The following ERGIC2 variants were observed in gnomAD, a reference collection of about 807,000 sequenced individuals.
ERGIC2 encodes endoplasmic reticulum-Golgi intermediate compartment protein 2.
In ERGIC2, 31 loss-of-function variants were observed where a neutral mutation model predicts 52.5. The ratio of observed to expected loss-of-function variants is 0.59; its 90% CI spans 0.44 to 0.80. The LOEUF (loss-of-function observed/expected upper bound fraction) is 0.80. ERGIC2 is among the 30% of genes least tolerant of loss of function. The probability of loss-of-function intolerance (pLI) is 0.00; values close to 1 mark genes in which losing one functional copy is unlikely to be tolerated. For synonymous variants in ERGIC2, 129 were observed against 140.6 expected (o/e 0.92, Z 0.58); for missense variants, 395 against 455.2 (o/e 0.87, Z 1.20).
intron 11 of ERGIC2, among the ~76,000 whole-genome samples, chr12:29,344,174 G>T (rs574404934): frequency 6.6e-6 from 1 of 151,758 alleles, no homozygotes; most frequent in African/African-American, 2.4e-5. Context: ...TACCATCTGG[G>T]TTGTTTCTAA....
In ERGIC2 at chr12:29,368,429, C is replaced by T. The variant is rs150850913; in HGVS notation, c.216-142G>A. 47 of 556,526 alleles carry T rather than the reference C, an allele frequency of 8.4e-5. No homozygotes were observed. The Admixed American group carries it at 1.0e-3, about 12-fold the overall frequency. The allele number at this position is 556,526 out of a possible 1,614,324, so 34.5% of individuals were successfully genotyped here. A position where few individuals can be genotyped will look rare whatever the true frequency, so the allele number is the denominator to read the frequency against. On this transcript the variant is annotated intron_variant, in intron 3 of 13. Transcript: ENST00000360150. ...AGAACTTGAATTGCATTTCTCATGG[C>T]CAAAACAAAGGCTCTTTAAATTACA...
intron 6 of ERGIC2, among the ~76,000 whole-genome samples, chr12:29,360,352 A>G (rs1940265974): frequency 6.6e-6 from 1 of 151,568 alleles, no homozygotes; most frequent in African/African-American, 2.4e-5. Context: ...AATTAAATAA[A>G]CTACAATCTA....
intron 11 of ERGIC2, among the ~76,000 whole-genome samples, chr12:29,343,925 C>A (rs778006003): frequency 3.9e-5 from 6 of 152,114 alleles, no homozygotes; most frequent in Non-Finnish European, 7.4e-5. Flanking sequence ...CTCCCACCCC[C>A]TATCCTGCAT....
At chr12:29,343,035 G>T in intron 12 of ERGIC2, 85 bp downstream of exon 12, 1 of 1,149,712 alleles carries the variant, frequency 8.7e-7, no homozygotes. Flanking sequence ...ATGAAAATCT[G>T]TATACTTCTT....
At chr12:29,373,545 G>A (rs1489323380) in intron 1 of ERGIC2, among the ~76,000 whole-genome samples, 2 of 152,026 alleles carry the variant, frequency 1.3e-5, no homozygotes, top group African/African-American at 4.8e-5. Context: ...GCCAGAGAAT[G>A]AAAAACTGGC....
At chr12:29,375,558 A>G (rs1940503526) in intron 1 of ERGIC2, among the ~76,000 whole-genome samples, 1 of 152,202 alleles carries the variant, frequency 6.6e-6, no homozygotes, top group South Asian at 2.1e-4. Context: ...TGTTAAACAA[A>G]TGAATAAAAC....
intron 12 of ERGIC2, 151 bp downstream of exon 12, chr12:29,342,969 G>T: frequency 1.8e-6 from 1 of 544,740 alleles, no homozygotes; most frequent in Non-Finnish European, 3.2e-6. Flanking sequence ...TTACTGGTTA[G>T]TCAATATAAT....
At chr12:29,377,426 A>C (rs2136885106) in intron 1 of ERGIC2, among the ~76,000 whole-genome samples, 1 of 152,290 alleles carries the variant, frequency 6.6e-6, no homozygotes, top group East Asian at 1.9e-4. Context: ...ACCTATGCAC[A>C]TCCTCTTGTA....
chr12:29,351,900 C>T (rs534660417), intron 8 of ERGIC2, among the ~76,000 whole-genome samples: 92 of 152,200 alleles, frequency 6.0e-4, no homozygotes, highest in African/African-American at 2.0e-3. Context: ...GTGATGAATG[C>T]TCAATCTGGC....
rs1352673899 is a variant in ERGIC2 at position 29,346,757 on chromosome 12, A to G, written c.728-1217T>C. 3.9e-5 allele frequency among the ~76,000 whole-genome samples: 6 copies of G among 152,344 alleles called. No homozygotes were observed. In the East Asian group the frequency reaches 1.2e-3, roughly 29 times the overall value. ...CATCTCTAAGTTTGACACAAGTTTT[A>G]AATACCAGAATATTACCAATTACTA... On this transcript the variant is annotated intron_variant, in intron 10 of 13. Coordinates refer to ENST00000360150, the MANE Select transcript of ERGIC2 (RefSeq NM_016570.3).
chr12:29,370,357 TAGA>T (rs1393930141), intron 2 of ERGIC2, 135 bp from the exon 3 acceptor site: 8 of 983,402 alleles, frequency 8.1e-6, no homozygotes, highest in Non-Finnish European at 1.1e-5. Context: ...ATGCATACTA[TAGA>T]AGGTTTTTAT....
intron 7 of ERGIC2, 113 bp from the exon 8 acceptor site, chr12:29,356,590 C>A: frequency 5.5e-6 from 3 of 546,598 alleles, no homozygotes; most frequent in Middle Eastern, 4.6e-4. Flanking sequence ...AGGTAATATT[C>A]TAAATGTTAA....
intron 1 of ERGIC2, among the ~76,000 whole-genome samples, chr12:29,371,875 C>CA (rs1410468873): frequency 1.3e-5 from 2 of 151,904 alleles, no homozygotes; most frequent in African/African-American, 4.8e-5. Flanking sequence ...AATTTAAATA[C>CA]AAAAACACAT....
At chr12:29,368,201 T>A (rs1209115835) in intron 4 of ERGIC2, 40 bp downstream of exon 4, 1 of 1,308,580 alleles carries the variant, frequency 7.6e-7, no homozygotes, top group East Asian at 2.3e-5. Context: ...GTTTGAACCA[T>A]AACCTACATG....
In ERGIC2 at chr12:29,340,715, G is replaced by A. The variant is rs771399732; in HGVS notation, c.*441C>T. Reference sequence around the variant, plus strand: ...TCTTTAAAGTCTAGACTAGTTTTCCGTATGTTTTCCACATTTTATTCTGAC... The same window carrying A: ...TCTTTAAAGTCTAGACTAGTTTTCCATATGTTTTCCACATTTTATTCTGAC... On this transcript the variant is annotated 3_prime_UTR_variant, in exon 14 of 14. Coordinates refer to ENST00000360150, the MANE Select transcript of ERGIC2 (RefSeq NM_016570.3). 4.6e-5 allele frequency: 16 copies of A among 351,412 alleles called. No individual in the cohort carries two copies. Among genetic ancestry groups the A allele is most frequent in the Non-Finnish European group, 6.4e-5 (12 of 186,594 alleles). The allele number at this position is 351,412 out of a possible 1,614,324, so 21.8% of individuals were successfully genotyped here. A position where few individuals can be genotyped will look rare whatever the true frequency, so the allele number is the denominator to read the frequency against.
chr12:29,363,069 C>T (rs1471146066), intron 5 of ERGIC2, among the ~76,000 whole-genome samples: 1 of 152,166 alleles, frequency 6.6e-6, no homozygotes, highest in Non-Finnish European at 1.5e-5. Context: ...TTCCTAACCA[C>T]CTCGTGAATT....
At chr12:29,347,600 G>A (rs1488871809) in intron 10 of ERGIC2, among the ~76,000 whole-genome samples, 1 of 152,070 alleles carries the variant, frequency 6.6e-6, no homozygotes, top group Non-Finnish European at 1.5e-5. Context: ...GAAGGGCAGG[G>A]ACTATGTCTA....
At chr12:29,360,981 T>C (rs2048584418) in intron 6 of ERGIC2, among the ~76,000 whole-genome samples, 1 of 152,182 alleles carries the variant, frequency 6.6e-6, no homozygotes, top group African/African-American at 2.4e-5. Context: ...GCACAGTGGC[T>C]CATGCCTGTA....
In ERGIC2 at chr12:29,368,234, T is replaced by TAC. The variant is rs1215693922; in HGVS notation, c.262+5_262+6dup. 6.4e-7 allele frequency: 1 copy of TAC among 1,557,926 alleles called. No individual in the cohort carries two copies. Among genetic ancestry groups the TAC allele is most frequent in the African/African-American group, 1.4e-5 (1 of 73,730 alleles). The stretch of plus-strand genomic sequence containing the variant: ...ATGTGGATTCAGCAAGTTGAAGGTG[T>TAC]ACTTACATTGACACTTCATGGCAAC... On this transcript the variant is annotated splice_region_variant and intron_variant, in intron 4 of 13. Coordinates refer to ENST00000360150, the MANE Select transcript of ERGIC2 (RefSeq NM_016570.3).
Sources: gnomAD v4.1 joint callset for allele counts (sites outside exome capture counted in the v4.1 genomes callset) on GRCh38, gnomAD v4.1.1 for gene constraint, MANE v1.5 for transcripts, NCBI Gene and HGNC (gene_info 2026-07-23, HGNC 2026-07-21) for gene names.